Variants in TOGARAM2 observed in about 807,000 individuals in gnomAD.
The protein encoded by TOGARAM2 is TOG array regulator of axonemal microtubules protein 2.
TOGARAM2 carries 85 observed loss-of-function variants against 93.3 expected under a neutral mutation model. That is an observed-to-expected ratio of 0.91 (90% CI 0.76 to 1.09). The LOEUF (loss-of-function observed/expected upper bound fraction) is 1.09. Among genes scored for constraint, TOGARAM2 ranks in the 50% least tolerant of loss-of-function variants. TOGARAM2 has a pLI of 0.00. For synonymous variants in TOGARAM2, 593 were observed against 552.8 expected, an observed-to-expected ratio of 1.07 and a Z score of -1.02; for missense variants, 1,277 against 1,334.5, an observed-to-expected ratio of 0.96 and a Z score of 0.67.
chr2:29,017,936 G>T lies in TOGARAM2; in HGVS notation c.1340G>T (p.Arg447Leu), dbSNP rs376986385. ...PSIPISRQEP[R>L]FARHASANSL... is the part of the protein sequence containing the mutation. ...ATCCCCATCAGCCGGCAGGAGCCCC[G>T]CTTTGCCCGCCACGCCTCAGGTGGG... Residue 447 changes from arginine to leucine, a missense_variant, in exon 10 of 20, where the codon CGC (arginine) becomes CTC (leucine). Arg to Leu is a moderately radical substitution (Grantham distance 102). Coordinates refer to ENST00000379558, the MANE Select transcript of TOGARAM2 (RefSeq NM_199280.4). 2 of 1,604,588 alleles carry T rather than the reference G, an allele frequency of 1.2e-6. No homozygotes were observed. Among genetic ancestry groups the T allele is most frequent in the African/African-American group, 1.3e-5 (1 of 74,864 alleles).
Position 29,003,677 on chromosome 2 carries a change from C to A in TOGARAM2, c.825C>A (p.Arg275=). The A allele has an allele frequency of 6.5e-7, 1 of 1,536,632 alleles. No homozygotes were observed. The highest frequency in any genetic ancestry group is 1.2e-5 in the South Asian group (1 of 81,688). ...TCCTCACAGGCCTGAGGGCCCCACG[C>A]ACGCGGTAAGAGCTCCAAGTCAAAC... is the stretch of plus-strand genomic sequence containing the variant. ...QGVLTGLRAP[R]TRLARGSGPR... is the part of the protein sequence containing the mutation. The change falls in exon 6 of 20, where the codon CGC becomes CGA. Residue 275 remains arginine, a synonymous_variant. Coordinates refer to ENST00000379558, the MANE Select transcript of TOGARAM2 (RefSeq NM_199280.4).
At chr2:29,006,191 ATG>A (rs10680522) in intron 6 of TOGARAM2, among the ~76,000 whole-genome samples, 5 of 142,690 alleles carry the variant, frequency 3.5e-5, no homozygotes, top group South Asian at 2.2e-4. Context: ...ATGTGTGTGC[ATG>A]TGTGTGAGTG....
intron 1 of TOGARAM2, among the ~76,000 whole-genome samples, chr2:28,986,377 C>A (rs1413835939): frequency 6.6e-6 from 1 of 152,130 alleles, no homozygotes; most frequent in African/African-American, 2.4e-5. Flanking sequence ...ACCCGAGATA[C>A]CCACACTGAG....
chr2:28,976,141 T>C (rs1024443077), intron 1 of TOGARAM2, among the ~76,000 whole-genome samples: 4 of 152,126 alleles, frequency 2.6e-5, no homozygotes, highest in Non-Finnish European at 5.9e-5. Flanking sequence ...GAGGCCGAGG[T>C]GGATGGATCA....
chr2:29,024,480 G>T, intron 13 of TOGARAM2, 106 bp downstream of exon 13: 1 of 406,046 alleles, frequency 2.5e-6, no homozygotes, highest in African/African-American at 2.1e-5. Flanking sequence ...GGGAGGGAGG[G>T]AGGGAAGCAG....
At chr2:29,018,476 AT>A (rs60730164) in intron 10 of TOGARAM2, 82,084 of 148,424 alleles carry the variant, frequency 0.55, 23,059 homozygotes, top group East Asian at 0.68. Flanking sequence ...ATGTTGCCTC[AT>A]TTTTTTTTTT....
intron 6 of TOGARAM2, among the ~76,000 whole-genome samples, chr2:29,004,953 CATGTGTAT>C (rs1369673735): frequency 3.5e-5 from 4 of 114,756 alleles, no homozygotes; most frequent in African/African-American, 1.7e-4. Flanking sequence ...CATGTGTGTG[CATGTGTAT>C]GTGTGTGAGT....
chr2:29,032,480 G>T (rs1311837845), intron 14 of TOGARAM2, among the ~76,000 whole-genome samples: 2 of 152,084 alleles, frequency 1.3e-5, no homozygotes, highest in African/African-American at 4.8e-5. Context: ...CTCCTATATT[G>T]TCCCGCTTTA....
rs201514210 is a variant in TOGARAM2 at position 29,022,450 on chromosome 2, C to CTG, written c.1511+145_1511+146dup. On this transcript the variant is annotated intron_variant, in intron 11 of 19. Coordinates refer to ENST00000379558, the MANE Select transcript of TOGARAM2 (RefSeq NM_199280.4). The stretch of plus-strand genomic sequence containing the variant: ...CATAAAAGCCAGTTTGGAGGGAGGA[C>CTG]TGTGCATGCATATAGATATGTGTGT... 2.9e-3 allele frequency: 3,180 copies of CTG among 1,113,144 alleles called. 67 individuals are homozygous for CTG. The African/African-American group carries it at 0.044, about 15-fold the overall frequency. The allele number at this position is 1,113,144 out of a possible 1,614,324, so 69.0% of individuals were successfully genotyped here.
intron 1 of TOGARAM2, among the ~76,000 whole-genome samples, chr2:28,967,551 A>G (rs1671884681): frequency 6.6e-6 from 1 of 152,158 alleles, no homozygotes; most frequent in African/African-American, 2.4e-5. Context: ...AAAGCTCTGG[A>G]ACTCTTATCA....
In TOGARAM2 at chr2:29,017,216, G is replaced by A. The variant is rs778152568; in HGVS notation, c.1107G>A (p.Met369Ile). 3 of 1,613,938 alleles carry A rather than the reference G, an allele frequency of 1.9e-6. No homozygotes were observed. The highest frequency in any genetic ancestry group is 4.5e-5 in the East Asian group (2 of 44,864). The change falls in exon 9 of 20, where the codon ATG (methionine) becomes ATA (isoleucine). Residue 369 changes from methionine to isoleucine, a missense_variant. By Grantham distance (10) the Met-to-Ile change is conservative (BLOSUM62 1). Coordinates refer to ENST00000379558, the MANE Select transcript of TOGARAM2 (RefSeq NM_199280.4). ...TGCAGCTGAAGCAGATGAAGGAGAT[G>A]GAGCTGCTTCGGAGGCTGGAGGAGC... ...EKMQLKQMKE[M>I]ELLRRLEEPR...
At chr2:28,989,506 T>G (rs1446210921) in intron 1 of TOGARAM2, among the ~76,000 whole-genome samples, 1 of 152,104 alleles carries the variant, frequency 6.6e-6, no homozygotes, top group Non-Finnish European at 1.5e-5. Context: ...CAAGTGATCC[T>G]CCTGCCTCAG....
intron 1 of TOGARAM2, among the ~76,000 whole-genome samples, chr2:28,966,138 G>C (rs931274865): frequency 1.3e-5 from 2 of 151,872 alleles, no homozygotes; most frequent in Non-Finnish European, 2.9e-5. Flanking sequence ...TTACAGGTGT[G>C]CGCCACCACG....
rs1169831023 is a variant in TOGARAM2, at chr2:29,051,755, G to A, written c.2723-1G>A. The A allele has an allele frequency of 1.3e-6, 2 of 1,498,604 alleles. No individual in the cohort carries two copies. The highest frequency in any genetic ancestry group is 1.8e-6 in the Non-Finnish European group (2 of 1,114,526). The allele number at this position is 1,498,604 out of a possible 1,614,324, so 92.8% of individuals were successfully genotyped here. Reference sequence around the variant, plus strand: ...AGTGACTCTCCTTTTCTGCCTGACAGTGCTGGTGGCCTCAGTTTACCCCCG... The same window carrying A: ...AGTGACTCTCCTTTTCTGCCTGACAATGCTGGTGGCCTCAGTTTACCCCCG... On this transcript the variant is annotated splice_acceptor_variant, in intron 19 of 19. Transcript: ENST00000379558. LOFTEE classifies it high-confidence loss of function.
intron 14 of TOGARAM2, among the ~76,000 whole-genome samples, chr2:29,029,754 T>TAAAAAAAAAA (rs764355917): frequency 7.9e-6 from 1 of 127,118 alleles, no homozygotes; most frequent in Non-Finnish European, 1.7e-5. Flanking sequence ...AGGCTCTGTC[T>TAAAAAAAAAA]AAAAAAAAAA....
chr2:29,027,007 AC>A lies in TOGARAM2; in HGVS notation c.2010del (p.Arg671AspfsTer8). 6.4e-7 allele frequency: 1 copy of A among 1,559,116 alleles called. No homozygotes were observed. The highest frequency in any genetic ancestry group is 8.7e-7 in the Non-Finnish European group (1 of 1,151,250). ...VRLAQDSNQD[T>X]RFYGRKMVNI... ...GCTGGCACAGGACTCCAACCAGGAC[AC>A]CAGGTAGGGCAGGGCCAGGGGCCTG... On this transcript the variant is annotated frameshift_variant, in exon 14 of 20. Coordinates refer to ENST00000379558, the MANE Select transcript of TOGARAM2 (RefSeq NM_199280.4). LOFTEE classifies it high-confidence loss of function.
intron 18 of TOGARAM2, among the ~76,000 whole-genome samples, chr2:29,041,953 T>C (rs1220926237): frequency 6.6e-6 from 1 of 152,224 alleles, no homozygotes; most frequent in Non-Finnish European, 1.5e-5. Flanking sequence ...CTAAGCACTG[T>C]TTATTCATTG....
At chr2:28,958,187 G>C (rs1671752291) in intron 1 of TOGARAM2, among the ~76,000 whole-genome samples, 1 of 152,184 alleles carries the variant, frequency 6.6e-6, no homozygotes, top group Non-Finnish European at 1.5e-5. Context: ...GAAATCAGGT[G>C]TAAGAGATTA....
At chr2:29,033,227 G>C (rs74924427) in intron 15 of TOGARAM2, among the ~76,000 whole-genome samples, 176 bp downstream of exon 15, 4,864 of 152,218 alleles carry the variant, frequency 0.032, 270 homozygotes, top group African/African-American at 0.11. Flanking sequence ...GCTCACACCT[G>C]GTTCTAACCT....
Sources: allele counts gnomAD v4.1 joint callset (sites outside exome capture counted in the v4.1 genomes callset), GRCh38; gene constraint gnomAD v4.1.1; transcripts MANE v1.5; gene names NCBI Gene and HGNC (gene_info 2026-07-23, HGNC 2026-07-21).